GPCPD1: variants seen among roughly 807,000 people sequenced by gnomAD.
The protein encoded by GPCPD1 is glycerophosphocholine phosphodiesterase 1.
In GPCPD1, 29 loss-of-function variants were observed where a neutral mutation model predicts 89.2. That is an observed-to-expected ratio of 0.33 (90% CI 0.24 to 0.44). GPCPD1 has a LOEUF of 0.44. GPCPD1 is among the 20% of genes least tolerant of loss of function. The pLI is 1.00. For synonymous variants in GPCPD1, 258 were observed against 266.3 expected, an observed-to-expected ratio of 0.97 and a Z score of 0.30; for missense variants, 594 against 808.9, an observed-to-expected ratio of 0.73 and a Z score of 3.22.
intron 19 of GPCPD1, among the ~76,000 whole-genome samples, chr20:5,552,619 T>C (rs1985490820): frequency 6.6e-6 from 1 of 152,246 alleles, no homozygotes; most frequent in Non-Finnish European, 1.5e-5. Flanking sequence ...ATTCAAAAAT[T>C]TGCTAAAGCC....
intron 1 of GPCPD1, among the ~76,000 whole-genome samples, chr20:5,610,277 CT>C (rs1980873817): frequency 6.6e-6 from 1 of 152,322 alleles, no homozygotes; most frequent in South Asian, 2.1e-4. Context: ...GCACTCATGA[CT>C]ATTCCTGGAA....
chr20:5,602,332 T>C (rs559184384), intron 2 of GPCPD1, among the ~76,000 whole-genome samples: 2 of 152,346 alleles, frequency 1.3e-5, no homozygotes, highest in African/African-American at 4.8e-5. Flanking sequence ...TCCTTCTAGC[T>C]TCAACTGCCT....
intron 12 of GPCPD1, among the ~76,000 whole-genome samples, chr20:5,568,325 G>T (rs996386706): frequency 6.8e-6 from 1 of 148,056 alleles, no homozygotes; most frequent in African/African-American, 2.5e-5. Context: ...CATGCATAAA[G>T]TTTTTCTGGA....
At position 5,593,321 on chromosome 20, in the gene GPCPD1, A is replaced by C; in HGVS notation, c.231+6T>G. 3 of 1,430,150 alleles carry C rather than the reference A, an allele frequency of 2.1e-6. No homozygotes were observed. The highest frequency in any genetic ancestry group is 2.0e-6 in the Non-Finnish European group (2 of 1,013,544). 88.6% of individuals were successfully genotyped at this position (1,430,150 alleles called of 1,614,324 possible). The stretch of plus-strand genomic sequence containing the variant: ...AGGAATTGGAAACTAGATAAAGAAA[A>C]CATACCTTTGGTTCTAAAAAGTACC... On this transcript the variant is annotated splice_donor_region_variant and intron_variant, in intron 4 of 19. Transcript: ENST00000379019.
At chr20:5,563,388 T>A (rs1986203683) in intron 15 of GPCPD1, among the ~76,000 whole-genome samples, 1 of 152,198 alleles carries the variant, frequency 6.6e-6, no homozygotes, top group Non-Finnish European at 1.5e-5. Flanking sequence ...AATTTAAAAT[T>A]TTTTTCCTGG....
At chr20:5,590,060 C>T (rs1979217117) in intron 4 of GPCPD1, among the ~76,000 whole-genome samples, 1 of 152,138 alleles carries the variant, frequency 6.6e-6, no homozygotes, top group South Asian at 2.1e-4. Context: ...CTCAGTTATA[C>T]CAAGCACTGA....
At position 5,601,197 on chromosome 20, in the gene GPCPD1, TTAAG is replaced by T. The variant is rs1245669940; in HGVS notation, c.50-2380_50-2377del. 7.3e-5 allele frequency among the ~76,000 whole-genome samples: 11 copies of T among 151,528 alleles called. No homozygotes were observed. In the South Asian group the frequency reaches 2.1e-3, roughly 29 times the overall value. On this transcript the variant is annotated intron_variant, in intron 2 of 19. Transcript: ENST00000379019. Reference sequence around the variant, plus strand: ...GACCCTGTCTGTACAAAAAAAAATTTTAAGTAAGAATAATTTTAAAATTAGCCAG... The same window carrying T: ...GACCCTGTCTGTACAAAAAAAAATTTTAAGAATAATTTTAAAATTAGCCAG...
chr20:5,607,882 C>T (rs1980705384), intron 1 of GPCPD1, among the ~76,000 whole-genome samples: 2 of 151,168 alleles, frequency 1.3e-5, no homozygotes, highest in Admixed American at 6.6e-5. Flanking sequence ...AGAGCAAATA[C>T]TCTATCACCC....
Position 5,558,005 on chromosome 20 carries a change from T to C in GPCPD1, c.1769A>G (p.Asn590Ser), listed in dbSNP as rs1985874042. The change falls in exon 19 of 20, where the codon AAT (asparagine) becomes AGT (serine). Residue 590 changes from asparagine to serine, a missense_variant. Transcript: ENST00000379019. ...LVIFCWGDDT[N>S]DPENRRKLKE... is the part of the protein sequence containing the mutation. ...CAATTTCCTTCTGTTTTCAGGATCA[T>C]TGGTATCATCACCCCAGCAGAATAT... 1.2e-6 allele frequency: 2 copies of C among 1,602,528 alleles called. No individual in the cohort carries two copies. Among genetic ancestry groups the C allele is most frequent in the Non-Finnish European group, 1.7e-6 (2 of 1,169,770 alleles).
At chr20:5,599,049 G>A (rs750626059) in intron 2 of GPCPD1, among the ~76,000 whole-genome samples, 17 of 152,112 alleles carry the variant, frequency 1.1e-4, no homozygotes, top group Non-Finnish European at 1.8e-4. Flanking sequence ...GAAGGCATAC[G>A]GATGAAGTTT....
Position 5,609,849 on chromosome 20 carries a change from A to G in GPCPD1, c.-29+993T>C, listed in dbSNP as rs956340725. ...TGTATCCACGACATTAGGAATTTTG[A>G]AAAAAAAAAAAAAAGACTGATACCT... is the stretch of plus-strand genomic sequence containing the variant. On this transcript the variant is annotated intron_variant, in intron 1 of 19. Coordinates refer to ENST00000379019, the MANE Select transcript of GPCPD1 (RefSeq NM_019593.5). Among the ~76,000 whole-genome samples, 74 of 20,346 alleles carry G rather than the reference A, an allele frequency of 3.6e-3. No homozygotes were observed. The African/African-American group carries it at 0.037, about 10-fold the overall frequency. 13.3% of individuals were successfully genotyped at this position (20,346 alleles called of 152,430 possible). A position where few individuals can be genotyped will look rare whatever the true frequency, so the allele number is the denominator to read the frequency against.
intron 6 of GPCPD1, among the ~76,000 whole-genome samples, chr20:5,583,090 T>C (rs1392301170): frequency 6.6e-6 from 1 of 151,200 alleles, no homozygotes; most frequent in Non-Finnish European, 1.5e-5. Flanking sequence ...CAAAATTAGC[T>C]GGGCATGCCT....
intron 12 of GPCPD1, 136 bp from the exon 13 acceptor site, chr20:5,567,696 G>C (rs1182532389): frequency 2.1e-5 from 17 of 813,904 alleles, no homozygotes; most frequent in Non-Finnish European, 3.1e-5. Context: ...GAGAATAACT[G>C]TTAGTAGCCA....
chr20:5,609,813 T>C (rs1020218484), intron 1 of GPCPD1, among the ~76,000 whole-genome samples: 4 of 150,988 alleles, frequency 2.6e-5, no homozygotes, highest in African/African-American at 7.3e-5. Context: ...GCTTGTTTGC[T>C]TGGTGTTATT....
chr20:5,553,993 G>A (rs1321798437), intron 19 of GPCPD1, among the ~76,000 whole-genome samples: 1 of 92,128 alleles, frequency 1.1e-5, no homozygotes, highest in Non-Finnish European at 2.2e-5. Context: ...TTTTAAGACA[G>A]AGTCTCGCTC....
At chr20:5,565,302 A>G (rs1035032190) in intron 14 of GPCPD1, among the ~76,000 whole-genome samples, 4 of 151,826 alleles carry the variant, frequency 2.6e-5, no homozygotes, top group East Asian at 1.9e-4. Context: ...TCATTGCTCA[A>G]TGTAGCCTCA....
At chr20:5,604,042 C>T (rs1245078001) in intron 2 of GPCPD1, among the ~76,000 whole-genome samples, 3 of 152,152 alleles carry the variant, frequency 2.0e-5, no homozygotes, top group Non-Finnish European at 2.9e-5. Context: ...CCACTGCGCC[C>T]GGCCTACCAA....
rs1412533939 is a variant in GPCPD1, at chr20:5,568,709, AG to A, written c.1150-1150del. Among the ~76,000 whole-genome samples the A allele has an allele frequency of 7.9e-5, 12 of 152,274 alleles. No individual in the cohort carries two copies. The East Asian group carries it at 2.1e-3, about 27-fold the overall frequency. ...CACCTGAGGTCAAGAGTTTGAGACC[AG>A]CCTGGCCAACATGGTGAAGCCCCGT... On this transcript the variant is annotated intron_variant, in intron 12 of 19. Transcript: ENST00000379019.
chr20:5,584,503 A>T, intron 5 of GPCPD1, 181 bp from the exon 6 acceptor site: 1 of 436,026 alleles, frequency 2.3e-6, no homozygotes, highest in South Asian at 3.2e-5. Context: ...AAAGGAGGCT[A>T]GCAAACAGTA....
Sources: allele counts gnomAD v4.1 joint callset (sites outside exome capture counted in the v4.1 genomes callset), GRCh38; gene constraint gnomAD v4.1.1; transcripts MANE v1.5; gene names NCBI Gene and HGNC (gene_info 2026-07-23, HGNC 2026-07-21).